LRP1B: variants seen among roughly 807,000 people sequenced by gnomAD.
LRP1B encodes the protein LDL receptor related protein 1B.
A neutral mutation model predicts 556.6 loss-of-function variants in LRP1B; 217 were observed. That is an observed-to-expected ratio of 0.39 (90% CI 0.35 to 0.44). The LOEUF (loss-of-function observed/expected upper bound fraction) is 0.44, where lower values mean the gene tolerates loss of function less well. LRP1B is among the 20% of genes least tolerant of loss of function. The pLI is 1.00. For synonymous variants in LRP1B, 2,047 were observed against 1,865.8 expected, an observed-to-expected ratio of 1.10 and a Z score of -2.50; for missense variants, 5,053 against 5,620.8, an observed-to-expected ratio of 0.90 and a Z score of 3.23.
At chr2:140,450,465 G>T in intron 63 of LRP1B, 103 bp downstream of exon 63, 1 of 871,386 alleles carries the variant, frequency 1.1e-6, no homozygotes, top group Non-Finnish European at 1.8e-6. Flanking sequence ...TTCAATTTTG[G>T]AAAAGTGTCA....
chr2:140,651,400 C>A (rs1684678477), intron 41 of LRP1B, among the ~76,000 whole-genome samples: 3 of 146,212 alleles, frequency 2.1e-5, no homozygotes. Flanking sequence ...ATACCTAATG[C>A]TAGATAACGA....
At chr2:141,975,196 T>A (rs1388113086) in intron 1 of LRP1B, among the ~76,000 whole-genome samples, 1 of 152,064 alleles carries the variant, frequency 6.6e-6, no homozygotes, top group Non-Finnish European at 1.5e-5. Flanking sequence ...CTGATACTGG[T>A]AACTTGCTGT....
At chr2:140,396,813 G>A (rs1684277523) in intron 66 of LRP1B, among the ~76,000 whole-genome samples, 1 of 152,134 alleles carries the variant, frequency 6.6e-6, no homozygotes, top group South Asian at 2.1e-4. Context: ...TAGGTTTTGG[G>A]GAAACAGGTG....
chr2:140,581,774 C>A (rs1359026168), intron 43 of LRP1B, among the ~76,000 whole-genome samples: 1 of 152,082 alleles, frequency 6.6e-6, no homozygotes, highest in Non-Finnish European at 1.5e-5. Context: ...TTCTCTCCCC[C>A]TCTTCTCTCT....
At chr2:141,331,521 TC>T (rs386419709) in intron 3 of LRP1B, among the ~76,000 whole-genome samples, 10,058 of 47,778 alleles carry the variant, frequency 0.21, 764 homozygotes, top group African/African-American at 0.43. Flanking sequence ...TTTCTTTCTT[TC>T]TCTTTCTTTC....
chr2:141,015,087 A>G (rs1697863927), intron 13 of LRP1B, among the ~76,000 whole-genome samples: 1 of 152,142 alleles, frequency 6.6e-6, no homozygotes, highest in African/African-American at 2.4e-5. Flanking sequence ...TTAGATTACT[A>G]AAACATGAAA....
chr2:140,310,142 C>G (rs1253001308), intron 83 of LRP1B, among the ~76,000 whole-genome samples: 1 of 151,750 alleles, frequency 6.6e-6, no homozygotes, highest in Non-Finnish European at 1.5e-5. Context: ...CCCCAAACTC[C>G]TGCATATATG....
intron 27 of LRP1B, among the ~76,000 whole-genome samples, chr2:140,865,728 C>G (rs1003987319): frequency 6.6e-6 from 1 of 151,880 alleles, no homozygotes; most frequent in African/African-American, 2.4e-5. Context: ...AGAATATTTG[C>G]CCTGAATCCT....
intron 2 of LRP1B, among the ~76,000 whole-genome samples, chr2:141,786,216 C>A (rs1695427005): frequency 6.6e-6 from 1 of 151,928 alleles, no homozygotes; most frequent in Non-Finnish European, 1.5e-5. Flanking sequence ...TTTAATTAAA[C>A]ACATCTTATT....
chr2:141,147,413 G>A (rs1408147978), intron 7 of LRP1B, among the ~76,000 whole-genome samples: 1 of 152,184 alleles, frequency 6.6e-6, no homozygotes, highest in African/African-American at 2.4e-5. Context: ...TCCAACAATA[G>A]AGTTGTAGGA....
At chr2:142,051,186 G>T (rs1372385781) in intron 1 of LRP1B, among the ~76,000 whole-genome samples, 1 of 152,034 alleles carries the variant, frequency 6.6e-6, no homozygotes. Flanking sequence ...TTTCTAACAG[G>T]CACATTGTTG....
chr2:140,559,672 T>C (rs891389027), intron 43 of LRP1B, among the ~76,000 whole-genome samples: 2 of 151,702 alleles, frequency 1.3e-5, no homozygotes, highest in Non-Finnish European at 2.9e-5. Flanking sequence ...TGGGGGGACA[T>C]TGGAGAAACA....
At chr2:140,429,975 G>A (rs1469133125) in intron 66 of LRP1B, among the ~76,000 whole-genome samples, 1 of 151,996 alleles carries the variant, frequency 6.6e-6, no homozygotes, top group African/African-American at 2.4e-5. Context: ...CATTGTTCCT[G>A]GCCCGGACTT....
intron 11 of LRP1B, among the ~76,000 whole-genome samples, chr2:141,021,203 C>T (rs529658227): frequency 2.0e-5 from 3 of 152,124 alleles, no homozygotes; most frequent in Non-Finnish European, 4.4e-5. Flanking sequence ...GATCACATTT[C>T]CCTGTATGCA....
chr2:141,947,994 T>C (rs1483507249), intron 1 of LRP1B, among the ~76,000 whole-genome samples: 1 of 151,926 alleles, frequency 6.6e-6, no homozygotes, highest in Admixed American at 6.6e-5. Context: ...AGTTTTCTCA[T>C]TTATAAAAAA....
intron 7 of LRP1B, among the ~76,000 whole-genome samples, chr2:141,135,934 T>C (rs766597202): frequency 9.2e-5 from 14 of 151,386 alleles, no homozygotes; most frequent in South Asian, 2.1e-4. Context: ...ACATACTACT[T>C]CTCACATACA....
intron 1 of LRP1B, among the ~76,000 whole-genome samples, chr2:141,948,018 C>T (rs1701003857): frequency 6.6e-6 from 1 of 152,028 alleles, no homozygotes; most frequent in African/African-American, 2.4e-5. Flanking sequence ...TGATGATAGG[C>T]CAGGCACAGT....
chr2:141,744,236 T>C (rs1693830860), intron 2 of LRP1B, among the ~76,000 whole-genome samples: 1 of 152,138 alleles, frequency 6.6e-6, no homozygotes, highest in African/African-American at 2.4e-5. Flanking sequence ...TCTTTTTTCA[T>C]TGATCTACTT....
intron 3 of LRP1B, among the ~76,000 whole-genome samples, chr2:141,316,483 C>G (rs2105461384): frequency 6.6e-6 from 1 of 152,126 alleles, no homozygotes; most frequent in East Asian, 1.9e-4. Flanking sequence ...TAAATAAAAG[C>G]ATTTAAAAAT....
Sources: allele counts gnomAD v4.1 joint callset (sites outside exome capture counted in the v4.1 genomes callset), GRCh38; gene constraint gnomAD v4.1.1; transcripts MANE v1.5; gene names NCBI Gene and HGNC (gene_info 2026-07-23, HGNC 2026-07-21).